The following KCNN2 variants were observed in gnomAD, a reference collection of about 807,000 sequenced individuals.
KCNN2 encodes potassium calcium-activated channel subfamily N member 2, also known as small conductance calcium-activated potassium channel protein 2.
KCNN2 carries 24 observed loss-of-function variants against 55.5 expected under a neutral mutation model. That is an observed-to-expected ratio of 0.43 (90% CI 0.31 to 0.61). The LOEUF (loss-of-function observed/expected upper bound fraction) is 0.61, where lower values mean the gene tolerates loss of function less well. Ranked by LOEUF, KCNN2 falls within the 20% of genes least tolerant of loss-of-function variation. KCNN2 has a pLI of 0.08. For synonymous variants in KCNN2, 431 were observed against 336.1 expected, an observed-to-expected ratio of 1.28 and a Z score of -3.09; for missense variants, 754 against 853.6, an observed-to-expected ratio of 0.88 and a Z score of 1.45.
chr5:114,344,205 C>T (rs886360682), intron 2 of KCNN2, among the ~76,000 whole-genome samples: 3 of 152,092 alleles, frequency 2.0e-5, no homozygotes, highest in African/African-American at 7.2e-5. Flanking sequence ...GGTCTTACTA[C>T]AAAGTAAGGA....
chr5:114,241,736 A>G (rs1207815330), intron 2 of KCNN2, among the ~76,000 whole-genome samples: 3 of 27,600 alleles, frequency 1.1e-4, no homozygotes, highest in Non-Finnish European at 1.5e-4. Context: ...ATATATACAT[A>G]TATACGTATA....
chr5:114,111,019 A>G (rs937959384), intron 1 of KCNN2, among the ~76,000 whole-genome samples: 7 of 152,154 alleles, frequency 4.6e-5, no homozygotes, highest in African/African-American at 1.7e-4. Flanking sequence ...CTGCATTGCC[A>G]AGACAATTCC....
chr5:114,466,917 A>G (rs1761480338), intron 4 of KCNN2, among the ~76,000 whole-genome samples: 1 of 152,174 alleles, frequency 6.6e-6, no homozygotes, highest in Admixed American at 6.5e-5. Flanking sequence ...CAATGCGTAA[A>G]GCTTTCGCAG....
intron 1 of KCNN2, among the ~76,000 whole-genome samples, chr5:114,062,601 T>A: frequency 6.6e-6 from 1 of 152,188 alleles, no homozygotes; most frequent in East Asian, 1.9e-4. Flanking sequence ...GGTGAAGAAA[T>A]CCTAGTAAGA....
intron 1 of KCNN2, among the ~76,000 whole-genome samples, chr5:114,112,804 C>T (rs143506767): frequency 7.2e-5 from 11 of 152,020 alleles, no homozygotes; most frequent in African/African-American, 1.7e-4. Context: ...TGAATAACAC[C>T]GGTTATGCAC....
rs1397625202 is a variant in KCNN2 at position 114,363,072 on chromosome 5, C to T, written c.933C>T (p.Ser311=). Residue 311 remains serine, a synonymous_variant, in exon 1 of 8, where the codon AGC becomes AGT. Coordinates refer to ENST00000673685, the MANE Select transcript of KCNN2 (RefSeq NM_021614.4). ...GAGGAGGCGGCGGCGGTGGCGGGAGCGGGCACGGCAGCAGCAGTGGCACCA... is the reference window on the plus strand; with the variant it reads ...GAGGAGGCGGCGGCGGTGGCGGGAGTGGGCACGGCAGCAGCAGTGGCACCA... The part of the protein sequence containing the change: ...STGGGGGGGG[S]GHGSSSGTKS... The T allele has an allele frequency of 6.8e-6, 11 of 1,609,574 alleles. No homozygotes were observed. The highest frequency in any genetic ancestry group is 1.6e-4 in the Middle Eastern group (1 of 6,080).
At chr5:114,420,376 T>C (rs1221540293) in intron 3 of KCNN2, among the ~76,000 whole-genome samples, 1 of 152,252 alleles carries the variant, frequency 6.6e-6, no homozygotes, top group Non-Finnish European at 1.5e-5. Flanking sequence ...TTATTGCTAC[T>C]GTTTAGTGGA....
intron 1 of KCNN2, among the ~76,000 whole-genome samples, chr5:114,128,948 C>T (rs987052187): frequency 1.1e-4 from 16 of 152,110 alleles, no homozygotes; most frequent in Non-Finnish European, 4.4e-5. Flanking sequence ...TTGTGTTATG[C>T]TACATGTATT....
intron 1 of KCNN2, among the ~76,000 whole-genome samples, chr5:114,161,411 C>A (rs534726333): frequency 7.5e-6 from 1 of 132,892 alleles, no homozygotes; most frequent in Non-Finnish European, 1.6e-5. Context: ...GTAACCCAAC[C>A]TTTCTCTCTG....
chr5:114,260,453 C>A (rs1348235142), intron 2 of KCNN2, among the ~76,000 whole-genome samples: 2 of 152,080 alleles, frequency 1.3e-5, no homozygotes, highest in Non-Finnish European at 2.9e-5. Context: ...TCAATCAGGT[C>A]CAAGTCAGTA....
chr5:114,158,941 A>G (rs375045501), intron 1 of KCNN2, among the ~76,000 whole-genome samples: 1 of 152,160 alleles, frequency 6.6e-6, no homozygotes, highest in African/African-American at 2.4e-5. Context: ...CAATCATGTC[A>G]TCTGCAAACA....
chr5:114,121,783 T>G (rs1234934056), intron 1 of KCNN2, among the ~76,000 whole-genome samples: 1 of 152,186 alleles, frequency 6.6e-6, no homozygotes. Flanking sequence ...TTAAGGTATG[T>G]TGGATAAGCG....
chr5:114,180,079 A>G (rs1166746673), intron 1 of KCNN2, among the ~76,000 whole-genome samples: 1 of 152,216 alleles, frequency 6.6e-6, no homozygotes, highest in African/African-American at 2.4e-5. Flanking sequence ...GGGTGGGTGC[A>G]CTCTGTGGAC....
intron 5 of KCNN2, among the ~76,000 whole-genome samples, chr5:114,476,206 G>A (rs935540245): frequency 4.1e-5 from 5 of 121,042 alleles, no homozygotes; most frequent in African/African-American, 1.3e-4. Flanking sequence ...ACAGTCCCCA[G>A]AGTGTGATAT....
chr5:114,186,926 A>T (rs1196178515), intron 1 of KCNN2, among the ~76,000 whole-genome samples: 1 of 152,160 alleles, frequency 6.6e-6, no homozygotes, highest in African/African-American at 2.4e-5. Context: ...ACCAAATTTG[A>T]TGGAATACAG....
At chr5:114,214,424 G>C (rs537801479) in intron 1 of KCNN2, among the ~76,000 whole-genome samples, 1 of 152,110 alleles carries the variant, frequency 6.6e-6, no homozygotes, top group South Asian at 2.1e-4. Context: ...TGGTAATGAA[G>C]CTAAATTCTG....
At chr5:114,241,277 A>G (rs1754613330) in intron 2 of KCNN2, among the ~76,000 whole-genome samples, 1 of 151,938 alleles carries the variant, frequency 6.6e-6, no homozygotes, top group Non-Finnish European at 1.5e-5. Flanking sequence ...ATAGATTTCA[A>G]TAGATTTGGA....
intron 1 of KCNN2, among the ~76,000 whole-genome samples, chr5:114,157,734 A>G (rs1752667759): frequency 6.6e-6 from 1 of 151,844 alleles, no homozygotes; most frequent in African/African-American, 2.4e-5. Context: ...TATGGTTTTG[A>G]TTTGCATTTG....
rs1477711648 is a variant in KCNN2 at position 114,362,955 on chromosome 5, G to A, written c.816G>A (p.Ser272=). ...SAAAAAAAAV[S]SSAPEIVVSK... is the part of the protein sequence containing the mutation. ...CCGCTGCCGCCGCCGCCGCTGTTTC[G>A]TCCTCAGCCCCCGAGATCGTGGTGT... is the stretch of plus-strand genomic sequence containing the variant. The change falls in exon 1 of 8, where the codon TCG becomes TCA. Residue 272 remains serine (S), a synonymous_variant. Coordinates refer to ENST00000673685, the MANE Select transcript of KCNN2 (RefSeq NM_021614.4). 4 of 1,584,988 alleles carry A rather than the reference G, an allele frequency of 2.5e-6. No individual in the cohort carries two copies. Among genetic ancestry groups the A allele is most frequent in the South Asian group, 2.2e-5 (2 of 89,362 alleles).
Sources: gnomAD v4.1 joint callset for allele counts (sites outside exome capture counted in the v4.1 genomes callset) on GRCh38, gnomAD v4.1.1 for gene constraint, MANE v1.5 for transcripts, NCBI Gene and HGNC (gene_info 2026-07-23, HGNC 2026-07-21) for gene names.